The following VMP1 variants were observed in gnomAD, a reference collection of about 807,000 sequenced individuals.
VMP1 encodes the protein vacuole membrane protein 1.
A neutral mutation model predicts 56.0 loss-of-function variants in VMP1; 11 were observed. That is an observed-to-expected ratio of 0.20 (90% confidence interval 0.12 to 0.32). The LOEUF is 0.32. VMP1 is among the 10% of genes least tolerant of loss of function. VMP1 has a pLI of 1.00. For synonymous variants in VMP1, 149 were observed against 165.0 expected, an observed-to-expected ratio of 0.90 and a Z score of 0.74; for missense variants, 296 against 490.3, an observed-to-expected ratio of 0.60 and a Z score of 3.74.
At chr17:59,718,525 A>C (rs904230518) in intron 1 of VMP1, among the ~76,000 whole-genome samples, 1 of 150,780 alleles carries the variant, frequency 6.6e-6, no homozygotes, top group Non-Finnish European at 1.5e-5. Flanking sequence ...CTTTCTCTTA[A>C]CACGGTCTTA....
At chr17:59,739,676 A>G (rs1348660942) in intron 5 of VMP1, among the ~76,000 whole-genome samples, 1 of 139,012 alleles carries the variant, frequency 7.2e-6, no homozygotes, top group East Asian at 2.3e-4. Context: ...GTGAGTGGAG[A>G]TGGCGCCACT....
rs375192761 is a variant in VMP1, at chr17:59,791,537, G to A, written c.715-17259G>A. 3.0e-5 allele frequency among the ~76,000 whole-genome samples: 4 copies of A among 131,598 alleles called. No homozygotes were observed. In the East Asian group the frequency reaches 9.0e-4, roughly 30 times the overall value. 86.3% of individuals were successfully genotyped at this position (131,598 alleles called of 152,430 possible). A position where few individuals can be genotyped will look rare whatever the true frequency, so the allele number is the denominator to read the frequency against. On this transcript the variant is annotated intron_variant, in intron 7 of 11. Coordinates refer to ENST00000262291, the MANE Select transcript of VMP1 (RefSeq NM_030938.5). The stretch of plus-strand genomic sequence containing the variant: ...GACAGAGTCTCACTCTGTCACCCAA[G>A]CTGGAGTGCTCACTCCTCTGCCTCC...
chr17:59,776,950 A>G (rs960523754), intron 7 of VMP1, among the ~76,000 whole-genome samples: 4 of 152,194 alleles, frequency 2.6e-5, no homozygotes, highest in African/African-American at 7.2e-5. Context: ...CTTAGAATTA[A>G]CATTTTCAAA....
intron 10 of VMP1, among the ~76,000 whole-genome samples, chr17:59,821,307 C>T (rs2038441514): frequency 6.6e-6 from 1 of 151,994 alleles, no homozygotes; most frequent in African/African-American, 2.4e-5. Context: ...TTATTTTAAA[C>T]CCCACTGGCA....
chr17:59,833,158 G>A (rs530903103), intron 10 of VMP1, among the ~76,000 whole-genome samples: 4 of 151,940 alleles, frequency 2.6e-5, no homozygotes, highest in Admixed American at 6.6e-5. Context: ...ATGGACTCTT[G>A]CTTCTGGTCT....
chr17:59,811,888 T>C (rs1598429086), intron 9 of VMP1, 102 bp downstream of exon 9: 3 of 870,068 alleles, frequency 3.4e-6, no homozygotes, highest in East Asian at 2.5e-5. Context: ...TCTTTCTGCT[T>C]TTTTGGTTGG....
intron 5 of VMP1, among the ~76,000 whole-genome samples, chr17:59,761,911 A>G (rs1232174107): frequency 6.6e-6 from 1 of 151,948 alleles, no homozygotes; most frequent in African/African-American, 2.4e-5. Context: ...GTGAACCCCA[A>G]TCTCATTCTC....
chr17:59,753,634 G>A (rs2035734668), intron 5 of VMP1, among the ~76,000 whole-genome samples: 1 of 152,134 alleles, frequency 6.6e-6, no homozygotes, highest in Admixed American at 6.5e-5. Flanking sequence ...GACACTAGGT[G>A]GAGCAGTTTC....
chr17:59,809,284 A>G (rs1288114392), intron 8 of VMP1, among the ~76,000 whole-genome samples: 1 of 139,132 alleles, frequency 7.2e-6, no homozygotes, highest in African/African-American at 2.7e-5. Flanking sequence ...GGCATGAGCC[A>G]CTACACCTGG....
At chr17:59,763,369 TAGTC>T (rs918888819) in intron 5 of VMP1, among the ~76,000 whole-genome samples, 42 of 152,050 alleles carry the variant, frequency 2.8e-4, no homozygotes, top group Non-Finnish European at 5.6e-4. Context: ...AAAACCTAAG[TAGTC>T]AAAGTATTTT....
rs71370113 is a variant in VMP1, at chr17:59,742,522, CAATAATAATAAT to C, written c.414+3598_414+3609del. ...ACAGAGCAAAACCCTGTCTCAAAAA[CAATAATAATAAT>C]AATAATAATAATAATAATAATAGGC... is the stretch of plus-strand genomic sequence containing the variant. On this transcript the variant is annotated intron_variant, in intron 5 of 11. Transcript: ENST00000262291. Among the ~76,000 whole-genome samples the C allele has an allele frequency of 6.3e-4, 90 of 142,942 alleles. 1 individual carries two copies. The highest frequency in any genetic ancestry group is 1.9e-3 in the African/African-American group (74 of 39,110). 93.8% of individuals were successfully genotyped at this position (142,942 alleles called of 152,430 possible). A position where few individuals can be genotyped will look rare whatever the true frequency, so the allele number is the denominator to read the frequency against.
At chr17:59,789,835 C>CTTTTTTTTTTTTTTTTTTTTTTTTTTT (rs754631557) in intron 7 of VMP1, among the ~76,000 whole-genome samples, 2 of 85,966 alleles carry the variant, frequency 2.3e-5, no homozygotes, top group African/African-American at 4.8e-5. Context: ...CTTTCTTTCC[C>CTTTTTTTTTTTTTTTTTTTTTTTTTTT]TTTTTTTTTT....
intron 7 of VMP1, among the ~76,000 whole-genome samples, chr17:59,786,539 C>A (rs1021329526): frequency 1.3e-5 from 2 of 152,188 alleles, no homozygotes; most frequent in Admixed American, 1.3e-4. Flanking sequence ...TTTGAAGACT[C>A]TGGGTGTCAG....
At chr17:59,825,190 G>T (rs574496469) in intron 10 of VMP1, among the ~76,000 whole-genome samples, 43 of 141,872 alleles carry the variant, frequency 3.0e-4, no homozygotes, top group African/African-American at 1.1e-3. Flanking sequence ...GTGTTCAAGC[G>T]ATTCTCCCGA....
chr17:59,727,728 T>C lies in VMP1; in HGVS notation c.-26-3693T>C, dbSNP rs377494622. Among the ~76,000 whole-genome samples the C allele has an allele frequency of 4.6e-5, 7 of 152,338 alleles. 1 individual carries two copies. Among genetic ancestry groups the C allele is most frequent in the African/African-American group, 1.7e-4 (7 of 41,570 alleles). ...TGTTTTTTATAGTTTAGGCATTTTG[T>C]ACGTTTATTACCTCCTACTCTTTTG... On this transcript the variant is annotated intron_variant, in intron 1 of 11. Coordinates refer to ENST00000262291, the MANE Select transcript of VMP1 (RefSeq NM_030938.5).
intron 1 of VMP1, among the ~76,000 whole-genome samples, chr17:59,730,844 T>G (rs1233293397): frequency 6.9e-6 from 1 of 144,316 alleles, no homozygotes; most frequent in Admixed American, 6.9e-5. Context: ...TCAAGTTTGG[T>G]TTTTTTTTTT....
intron 7 of VMP1, among the ~76,000 whole-genome samples, chr17:59,783,134 A>G (rs769304801): frequency 5.9e-5 from 9 of 152,136 alleles, no homozygotes; most frequent in Non-Finnish European, 1.0e-4. Context: ...AGGTGGAGCT[A>G]GCAGTGAGTC....
At chr17:59,774,667 C>G (rs2036553610) in intron 7 of VMP1, among the ~76,000 whole-genome samples, 1 of 152,028 alleles carries the variant, frequency 6.6e-6, no homozygotes, top group Non-Finnish European at 1.5e-5. Flanking sequence ...CTTCTTTCTT[C>G]CTTTTCTTTG....
At chr17:59,712,517 C>G (rs747135962) in intron 1 of VMP1, among the ~76,000 whole-genome samples, 12 of 152,272 alleles carry the variant, frequency 7.9e-5, no homozygotes, top group Non-Finnish European at 1.8e-4. Flanking sequence ...CTTATCTGTT[C>G]ATTATCCAGT....
Sources: gnomAD v4.1 joint callset for allele counts (sites outside exome capture counted in the v4.1 genomes callset) on GRCh38, gnomAD v4.1.1 for gene constraint, MANE v1.5 for transcripts, NCBI Gene and HGNC (gene_info 2026-07-23, HGNC 2026-07-21) for gene names.